Variants in GGNBP2 observed in about 807,000 individuals in gnomAD.
The protein encoded by GGNBP2 is gametogenetin binding protein 2, also known as gametogenetin-binding protein 2.
GGNBP2 carries 10 observed loss-of-function variants against 85.9 expected under a neutral mutation model. The observed-to-expected ratio is 0.12, with a 90% CI of 0.07 to 0.20. The LOEUF (loss-of-function observed/expected upper bound fraction) is 0.20. Among genes scored for constraint, GGNBP2 ranks in the 10% least tolerant of loss-of-function variants. GGNBP2 has a pLI of 1.00. For missense variants in GGNBP2, 595 were observed against 857.8 expected (o/e 0.69, Z 3.83); for synonymous variants, 287 against 285.7 (o/e 1.00, Z -0.05).
chr17:36,574,923 C>T (rs1555607444), intron 6 of GGNBP2: 12 of 1,018,100 alleles, frequency 1.2e-5, no homozygotes, highest in African/African-American at 1.6e-5. Context: ...CACTTAACAC[C>T]CAGACCGATG....
At chr17:36,574,770 C>G (rs1029267567) in intron 6 of GGNBP2, 1 of 642,586 alleles carries the variant, frequency 1.6e-6, no homozygotes, top group Non-Finnish European at 2.8e-6. Flanking sequence ...CGCACCAGCA[C>G]AGAGCCGTGG....
At position 36,550,629 on chromosome 17, in the gene GGNBP2, G is replaced by C. The variant is rs371635145; in HGVS notation, c.94-4191G>C. On this transcript the variant is annotated intron_variant, in intron 2 of 13. Coordinates refer to ENST00000613102, the MANE Select transcript of GGNBP2 (RefSeq NM_024835.5). The stretch of plus-strand genomic sequence containing the variant: ...TGCGCTAAAAACAGGTTTTTTTTGT[G>C]GTCAGGAGAAACCAGAACAGATACT... Among the ~76,000 whole-genome samples the C allele has an allele frequency of 8.5e-5, 13 of 152,120 alleles. No individual in the cohort carries two copies. In the East Asian group the frequency reaches 1.2e-3, roughly 14 times the overall value.
At chr17:36,583,517 G>A (rs2074671863) in intron 9 of GGNBP2, among the ~76,000 whole-genome samples, 1 of 152,028 alleles carries the variant, frequency 6.6e-6, no homozygotes, top group South Asian at 2.1e-4. Flanking sequence ...GGATTGCAGT[G>A]GCACAATCTT....
chr17:36,565,891 G>C (rs2074463312), intron 5 of GGNBP2, among the ~76,000 whole-genome samples: 1 of 152,120 alleles, frequency 6.6e-6, no homozygotes, highest in Admixed American at 6.6e-5. Context: ...GTGAGACTCT[G>C]TCTCAAAAAG....
chr17:36,548,239 G>A (rs1294320512), intron 2 of GGNBP2, among the ~76,000 whole-genome samples: 1 of 152,140 alleles, frequency 6.6e-6, no homozygotes, highest in Non-Finnish European at 1.5e-5. Flanking sequence ...CATTTTAGTT[G>A]GGATGCTGAA....
At chr17:36,577,376 A>C (rs1441861503) in intron 6 of GGNBP2, 1 of 153,154 alleles carries the variant, frequency 6.5e-6, no homozygotes, top group African/African-American at 2.4e-5. Flanking sequence ...TTTGTTATTG[A>C]GAAATAGGCA....
At chr17:36,552,357 A>T (rs894294345) in intron 2 of GGNBP2, among the ~76,000 whole-genome samples, 1 of 152,138 alleles carries the variant, frequency 6.6e-6, no homozygotes, top group African/African-American at 2.4e-5. Flanking sequence ...GATTATTATT[A>T]TTTTTTTAAA....
intron 12 of GGNBP2, 159 bp downstream of exon 12, chr17:36,586,357 G>A: frequency 1.2e-6 from 1 of 810,574 alleles, no homozygotes; most frequent in South Asian, 2.0e-5. Context: ...TGAGAGTGTG[G>A]GTTGGGGGCA....
intron 3 of GGNBP2, among the ~76,000 whole-genome samples, chr17:36,555,320 T>C (rs180870971): frequency 6.6e-6 from 1 of 152,326 alleles, no homozygotes; most frequent in Admixed American, 6.5e-5. Context: ...TTAAATGCAA[T>C]GTATAGTGGT....
chr17:36,572,145 A>G (rs895524157), intron 6 of GGNBP2, among the ~76,000 whole-genome samples: 5 of 152,146 alleles, frequency 3.3e-5, no homozygotes, highest in African/African-American at 1.2e-4. Flanking sequence ...TTAACTTGCT[A>G]TTTACTTATG....
At chr17:36,575,187 C>T (rs1484497194) in intron 6 of GGNBP2, 1 of 649,030 alleles carries the variant, frequency 1.5e-6, no homozygotes, top group Non-Finnish European at 2.8e-6. Context: ...GCCTTGCCTC[C>T]ATGAGCTCTG....
At chr17:36,576,553 C>CAAAAAAAAAAA (rs57856781) in intron 6 of GGNBP2, 2 of 25,462 alleles carry the variant, frequency 7.9e-5, no homozygotes, top group Admixed American at 8.5e-4. Flanking sequence ...GACTCTGTCT[C>CAAAAAAAAAAA]AAAAAAAAAA....
chr17:36,565,460 A>T lies in GGNBP2; in HGVS notation c.528-2203A>T, dbSNP rs558338676. ...GATTTTTTTTATAGAGCTTTTTTTT[A>T]AAAAAAAAATGCCTTCACATTCTAA... On this transcript the variant is annotated intron_variant, in intron 5 of 13. Coordinates refer to ENST00000613102, the MANE Select transcript of GGNBP2 (RefSeq NM_024835.5). 2.1e-3 allele frequency among the ~76,000 whole-genome samples: 306 copies of T among 148,966 alleles called. 1 individual carries two copies. Among genetic ancestry groups the T allele is most frequent in the African/African-American group, 5.3e-3 (213 of 40,392 alleles).
intron 6 of GGNBP2, among the ~76,000 whole-genome samples, chr17:36,569,746 A>G (rs1159864062): frequency 6.6e-6 from 1 of 152,232 alleles, no homozygotes; most frequent in Non-Finnish European, 1.5e-5. Flanking sequence ...GGGACTATAC[A>G]GACACAAAAC....
At chr17:36,567,354 A>T (rs1318540533) in intron 5 of GGNBP2, among the ~76,000 whole-genome samples, 2 of 152,180 alleles carry the variant, frequency 1.3e-5, no homozygotes, top group African/African-American at 2.4e-5. Context: ...CTAATATCTT[A>T]ATCATTAAAG....
At chr17:36,549,434 G>C (rs1204339763) in intron 2 of GGNBP2, among the ~76,000 whole-genome samples, 1 of 152,174 alleles carries the variant, frequency 6.6e-6, no homozygotes, top group Non-Finnish European at 1.5e-5. Flanking sequence ...TTGAACTCCT[G>C]ACCTCAGGTC....
intron 3 of GGNBP2, 65 bp from the exon 4 acceptor site, chr17:36,557,018 A>T: frequency 6.3e-7 from 1 of 1,579,512 alleles, no homozygotes; most frequent in East Asian, 2.2e-5. Flanking sequence ...AGGAACCAGT[A>T]GTAGTGAAAG....
chr17:36,575,639 TATATA>T (rs1393211915), intron 6 of GGNBP2, among the ~76,000 whole-genome samples: 39 of 63,334 alleles, frequency 6.2e-4, no homozygotes, highest in East Asian at 1.0e-3. Context: ...TATATATATA[TATATA>T]TATATTTTTT....
At chr17:36,551,855 C>T (rs549408299) in intron 2 of GGNBP2, among the ~76,000 whole-genome samples, 10 of 152,000 alleles carry the variant, frequency 6.6e-5, no homozygotes, top group African/African-American at 1.7e-4. Context: ...CAAATCAGCT[C>T]GCAGGTCTCA....
Sources: allele counts gnomAD v4.1 joint callset (sites outside exome capture counted in the v4.1 genomes callset), GRCh38; gene constraint gnomAD v4.1.1; transcripts MANE v1.5; gene names NCBI Gene and HGNC (gene_info 2026-07-23, HGNC 2026-07-21).